The following GRIK5 variants were observed in gnomAD, a reference collection of about 807,000 sequenced individuals.
GRIK5 encodes the protein glutamate ionotropic receptor kainate type subunit 5.
In GRIK5, 43 loss-of-function variants were observed where a neutral mutation model predicts 97.4. That is an observed-to-expected ratio of 0.44 (90% CI 0.35 to 0.57). The LOEUF is 0.57. Ranked by LOEUF, GRIK5 falls within the 20% of genes least tolerant of loss-of-function variation. The probability of loss-of-function intolerance (pLI) is 0.01; values close to 1 mark genes in which losing one functional copy is unlikely to be tolerated. For missense variants in GRIK5, 1,015 were observed against 1,382.0 expected (o/e 0.73, Z 4.21); for synonymous variants, 580 against 583.5 (o/e 0.99, Z 0.09).
At position 42,042,875 on chromosome 19, in the gene GRIK5, T is replaced by A; in HGVS notation, c.1270-120A>T. The A allele has an allele frequency of 1.4e-6, 1 of 720,312 alleles. No homozygotes were observed. The highest frequency in any genetic ancestry group is 2.3e-6 in the Non-Finnish European group (1 of 433,346). The allele number at this position is 720,312 out of a possible 1,614,324, so 44.6% of individuals were successfully genotyped here. ...CTGCTTGCTGAGCACGGTTGATTTA[T>A]TCATAGTACACATTTCTCACTTACA... On this transcript the variant is annotated intron_variant, in intron 11 of 19. Transcript: ENST00000593562. The surrounding 1 kb of genome is among the most constrained non-coding windows in gnomAD (Gnocchi z 6.9).
Position 42,054,373 on chromosome 19 carries a change from T to A in GRIK5, c.1003A>T (p.Thr335Ser). The A allele has an allele frequency of 1.2e-6, 2 of 1,613,760 alleles. No homozygotes were observed. Among genetic ancestry groups the A allele is most frequent in the South Asian group, 2.2e-5 (2 of 91,076 alleles). ...QEIGVKPLAC[T>S]SANIWPHGTS... ...CCGTGGGGCCAAATGTTGGCCGATG[T>A]ACAGGCCAGAGGCTTCACACCGATC... The change falls in exon 9 of 20, where the codon ACA becomes TCA. Residue 335 changes from threonine (T) to serine (S), a missense_variant. This residue lies in a region of GRIK5 where 477 missense variants were observed against 701.1 expected (regional missense o/e 0.68). Coordinates refer to ENST00000593562, the MANE Select transcript of GRIK5 (RefSeq NM_002088.5).
chr19:42,036,730 T>C (rs540965697), intron 12 of GRIK5, among the ~76,000 whole-genome samples: 1 of 152,328 alleles, frequency 6.6e-6, no homozygotes, highest in African/African-American at 2.4e-5. Flanking sequence ...AATCAGTCAA[T>C]TGCCCATTCA....
Position 42,003,794 on chromosome 19 carries a change from C to T in GRIK5, c.2264-111G>A. On this transcript the variant is annotated intron_variant, in intron 17 of 19. Transcript: ENST00000593562. The surrounding 1 kb of genome is among the most constrained non-coding windows in gnomAD (Gnocchi z 4.2). ...CCTTCCCCCGCCTCTACCACGTGCCCAGGGTCTTCCCTGCAGCCTCTCCTC... is the reference window on the plus strand; with the variant it reads ...CCTTCCCCCGCCTCTACCACGTGCCTAGGGTCTTCCCTGCAGCCTCTCCTC... 1 of 1,212,282 alleles carries T rather than the reference C, an allele frequency of 8.2e-7. No individual in the cohort carries two copies. The highest frequency in any genetic ancestry group is 1.1e-6 in the Non-Finnish European group (1 of 893,498). The allele number at this position is 1,212,282 out of a possible 1,614,324, so 75.1% of individuals were successfully genotyped here.
At position 42,052,602 on chromosome 19, in the gene GRIK5, T is replaced by C. The variant is rs573351375; in HGVS notation, c.1269+1000A>G. The stretch of plus-strand genomic sequence containing the variant: ...TTGTAACCCTCTCTGAATGTCAGCA[T>C]CCACAGCGAATAGCTGACACAGCTC... On this transcript the variant is annotated intron_variant, in intron 11 of 19. Transcript: ENST00000593562. Among the ~76,000 whole-genome samples the C allele has an allele frequency of 3.3e-5, 5 of 152,330 alleles. No individual in the cohort carries two copies. In the East Asian group the frequency reaches 9.7e-4, roughly 29 times the overall value.
intron 12 of GRIK5, among the ~76,000 whole-genome samples, chr19:42,023,291 C>T (rs1430173428): frequency 1.3e-5 from 2 of 152,076 alleles, no homozygotes; most frequent in Non-Finnish European, 2.9e-5. Context: ...AAGCATCATC[C>T]AGAGGCGGCA....
At chr19:42,026,640 C>A (rs866027340) in intron 12 of GRIK5, among the ~76,000 whole-genome samples, 1 of 149,538 alleles carries the variant, frequency 6.7e-6, no homozygotes, top group South Asian at 2.1e-4. Flanking sequence ...GCAATCATGG[C>A]TCAGTGCAAC....
intron 12 of GRIK5, among the ~76,000 whole-genome samples, chr19:42,030,594 G>A (rs2075829598): frequency 6.6e-6 from 1 of 151,926 alleles, no homozygotes; most frequent in African/African-American, 2.4e-5. Context: ...GAGTAACTGT[G>A]ACTATAGGCA....
rs781139691 is a variant in GRIK5 at position 42,053,637 on chromosome 19, G to A, written c.1234C>T (p.Leu412=). 4.4e-5 allele frequency: 71 copies of A among 1,613,074 alleles called. No homozygotes were observed. The highest frequency in any genetic ancestry group is 5.7e-5 in the Non-Finnish European group (67 of 1,179,154). ...TTLDINLSQT[L]ANKTLVVTTI... ...GTGACCACCAGGGTCTTGTTGGCCA[G>A]TGTCTGCGACAGGTTGATGTCCAGG... Residue 412 remains leucine (L), a synonymous_variant, in exon 11 of 20, where the codon CTG becomes TTG. Transcript: ENST00000593562.
intron 17 of GRIK5, among the ~76,000 whole-genome samples, chr19:42,004,487 C>T (rs1358289625): frequency 1.3e-5 from 2 of 152,240 alleles, no homozygotes; most frequent in Non-Finnish European, 2.9e-5. Context: ...CAGGCACCAA[C>T]TGTGTGCCAG....
In GRIK5 at chr19:42,059,360, T is replaced by C. The variant is rs763772970; in HGVS notation, c.676A>G (p.Ile226Val). Residue 226 changes from isoleucine to valine, a missense_variant, in exon 6 of 20, where the codon ATC becomes GTC. Physicochemically the swap from Ile to Val is conservative, Grantham distance 29. Around this residue, in one of 5 missense-constraint regions of GRIK5, gnomAD observed 477 missense variants for 701.1 expected, o/e 0.68. Coordinates refer to ENST00000593562, the MANE Select transcript of GRIK5 (RefSeq NM_002088.5). ...GGTAGGGGCCTCACCTTACGGAGGA[T>C]GAGGTGGGAGATGGAGGCGTTGGCG... Reference protein sequence around the residue: ...IDANASISHLILRKASELGMT... With the variant: ...IDANASISHLVLRKASELGMT... 7 of 1,612,880 alleles carry C rather than the reference T, an allele frequency of 4.3e-6. No homozygotes were observed. The South Asian group carries it at 7.7e-5, about 18-fold the overall frequency.
chr19:42,060,579 CT>C (rs374507508), intron 5 of GRIK5, among the ~76,000 whole-genome samples: 3,259 of 143,208 alleles, frequency 0.023, 32 homozygotes, highest in Middle Eastern at 0.051. Flanking sequence ...CAATAAATAC[CT>C]TTTTTTTTTT....
At position 42,042,321 on chromosome 19, in the gene GRIK5, G is replaced by C. The variant is rs981500852; in HGVS notation, c.1473+231C>G. Reference sequence around the variant, plus strand: ...ATGAAAGGGGCATTTGGCAAAGCAGGACACAGGTGGTGATGCATGTACCAC... The same window carrying C: ...ATGAAAGGGGCATTTGGCAAAGCAGCACACAGGTGGTGATGCATGTACCAC... On this transcript the variant is annotated intron_variant, in intron 12 of 19. Transcript: ENST00000593562. The surrounding 1 kb of genome is among the most constrained non-coding windows in gnomAD (Gnocchi z 6.9). Among the ~76,000 whole-genome samples, 9 of 152,208 alleles carry C rather than the reference G, an allele frequency of 5.9e-5. No homozygotes were observed. The highest frequency in any genetic ancestry group is 1.9e-4 in the African/African-American group (8 of 41,448).
chr19:42,001,890 T>G, intron 19 of GRIK5: 1 of 545,258 alleles, frequency 1.8e-6, no homozygotes, highest in South Asian at 2.7e-5. Context: ...GGTGGGATCA[T>G]TCAAGTAGTG....
At chr19:42,010,463 A>AAC (rs1195245737) in intron 15 of GRIK5, among the ~76,000 whole-genome samples, 1 of 152,254 alleles carries the variant, frequency 6.6e-6, no homozygotes, top group African/African-American at 2.4e-5. Context: ...AATCAAAGAT[A>AAC]ACAGTGCCAG....
Position 42,062,359 on chromosome 19 carries a change from GAGA to G in GRIK5, c.508+126_508+128del. On this transcript the variant is annotated intron_variant, in intron 5 of 19. Transcript: ENST00000593562. This position sits in a 1 kb window ranked among gnomAD's most constrained non-coding sequence, Gnocchi z 5.3. ...CAGAGGCCTCGGTTTCTGAAGATGGGAGAAGAGCCTGGTGCCTGGGTGCCCCAG... is the reference window on the plus strand; with the variant it reads ...CAGAGGCCTCGGTTTCTGAAGATGGGAGAGCCTGGTGCCTGGGTGCCCCAG... 7.1e-6 allele frequency: 6 copies of G among 842,234 alleles called. No individual in the cohort carries two copies. Among genetic ancestry groups the G allele is most frequent in the Non-Finnish European group, 1.1e-5 (6 of 544,742 alleles). The allele number at this position is 842,234 out of a possible 1,614,324, so 52.2% of individuals were successfully genotyped here.
At chr19:42,015,466 T>C (rs1248376622) in intron 15 of GRIK5, among the ~76,000 whole-genome samples, 2 of 152,234 alleles carry the variant, frequency 1.3e-5, no homozygotes, top group Non-Finnish European at 2.9e-5. Flanking sequence ...CTGACCACGA[T>C]GGAGCTAAAT....
intron 12 of GRIK5, among the ~76,000 whole-genome samples, chr19:42,035,185 T>C (rs1398773846): frequency 6.6e-6 from 1 of 151,826 alleles, no homozygotes; most frequent in Non-Finnish European, 1.5e-5. Context: ...TTCTCCATGT[T>C]GGTCAGGCTG....
At chr19:42,061,250 T>C (rs1470894643) in intron 5 of GRIK5, among the ~76,000 whole-genome samples, 5 of 152,310 alleles carry the variant, frequency 3.3e-5, no homozygotes, top group South Asian at 2.1e-4. Context: ...GGTTTCACCA[T>C]TCACAGGATG....
intron 15 of GRIK5, among the ~76,000 whole-genome samples, chr19:42,017,412 TA>T (rs2075638071): frequency 6.6e-6 from 1 of 152,242 alleles, no homozygotes; most frequent in Admixed American, 6.5e-5. Context: ...ATTGATTTTT[TA>T]CAAATTATGT....
Sources: gnomAD v4.1 joint callset for allele counts (sites outside exome capture counted in the v4.1 genomes callset) on GRCh38, gnomAD v4.1.1 for gene constraint, gnomAD v4.1.1 regional missense constraint, Gnocchi (gnomAD v3.1) non-coding constraint, MANE v1.5 for transcripts, NCBI Gene and HGNC (gene_info 2026-07-23, HGNC 2026-07-21) for gene names.